ADAM12: variants seen among roughly 807,000 people sequenced by gnomAD.
ADAM12 encodes ADAM metallopeptidase domain 12, also known as disintegrin and metalloproteinase domain-containing protein 12.
In ADAM12, 70 loss-of-function variants were observed where a neutral mutation model predicts 106.4. The observed-to-expected ratio is 0.66, with a 90% CI of 0.54 to 0.80. ADAM12 has a LOEUF of 0.80. ADAM12 is among the 30% of genes least tolerant of loss of function. The pLI is 0.00. For missense variants in ADAM12, 1,010 were observed against 1,171.9 expected, an observed-to-expected ratio of 0.86 and a Z score of 2.02; for synonymous variants, 420 against 433.5, an observed-to-expected ratio of 0.97 and a Z score of 0.39.
At chr10:126,248,035 T>C (rs1958663302) in intron 3 of ADAM12, among the ~76,000 whole-genome samples, 4 of 152,288 alleles carry the variant, frequency 2.6e-5, no homozygotes, top group African/African-American at 9.6e-5. Flanking sequence ...GTATCAGATG[T>C]GGGTTCAAGT....
intron 2 of ADAM12, among the ~76,000 whole-genome samples, chr10:126,322,017 T>G (rs1854119837): frequency 6.6e-6 from 1 of 151,896 alleles, no homozygotes. Flanking sequence ...GGTTATAAAC[T>G]ATGGCCCTCG....
chr10:126,115,898 A>G (rs1249928641), intron 6 of ADAM12, among the ~76,000 whole-genome samples: 1 of 152,194 alleles, frequency 6.6e-6, no homozygotes, highest in East Asian at 1.9e-4. Context: ...TATTTTTCGC[A>G]CCATTTTCAT....
chr10:126,199,459 G>A (rs1182969012), intron 3 of ADAM12, among the ~76,000 whole-genome samples: 1 of 152,158 alleles, frequency 6.6e-6, no homozygotes, highest in Non-Finnish European at 1.5e-5. Context: ...ATATTGTCAA[G>A]TTCGCAGCCC....
At chr10:126,038,854 A>G (rs1350504802) in intron 19 of ADAM12, among the ~76,000 whole-genome samples, 1 of 152,116 alleles carries the variant, frequency 6.6e-6, no homozygotes, top group Non-Finnish European at 1.5e-5. Context: ...ACCCCCCAAA[A>G]AAGAACCAAG....
At chr10:126,381,493 A>AT (rs202161156) in intron 1 of ADAM12, among the ~76,000 whole-genome samples, 3 of 151,908 alleles carry the variant, frequency 2.0e-5, no homozygotes, top group Admixed American at 6.6e-5. Context: ...TAAAAATTAT[A>AT]TTTTTTAAAA....
At chr10:126,129,825 C>A (rs1462190511) in intron 5 of ADAM12, among the ~76,000 whole-genome samples, 2 of 152,192 alleles carry the variant, frequency 1.3e-5, no homozygotes, top group East Asian at 3.8e-4. Context: ...CATTCAAGAG[C>A]CATCTCCTCT....
At chr10:126,218,498 A>G (rs1958030354) in intron 3 of ADAM12, among the ~76,000 whole-genome samples, 1 of 152,188 alleles carries the variant, frequency 6.6e-6, no homozygotes, top group African/African-American at 2.4e-5. Flanking sequence ...AGACATACTG[A>G]GGGCATCTTG....
At chr10:126,037,850 C>T (rs1169985701) in intron 20 of ADAM12, among the ~76,000 whole-genome samples, 2 of 152,168 alleles carry the variant, frequency 1.3e-5, no homozygotes, top group Non-Finnish European at 2.9e-5. Context: ...AAGCAGCTCA[C>T]CTAAAGCCAG....
intron 4 of ADAM12, among the ~76,000 whole-genome samples, chr10:126,138,822 TC>T (rs765587937): frequency 7.2e-5 from 10 of 139,174 alleles, no homozygotes; most frequent in African/African-American, 2.5e-4. Context: ...CATATCTTTT[TC>T]TTTTTAAGAG....
intron 2 of ADAM12, among the ~76,000 whole-genome samples, chr10:126,288,674 C>T (rs1388321980): frequency 6.6e-6 from 1 of 150,424 alleles, no homozygotes; most frequent in Non-Finnish European, 1.5e-5. Flanking sequence ...AGGACAGGAT[C>T]ATGCGGTGAC....
chr10:126,151,950 C>T (rs190445871), intron 4 of ADAM12, among the ~76,000 whole-genome samples: 23 of 149,636 alleles, frequency 1.5e-4, no homozygotes, highest in Non-Finnish European at 2.7e-4. Flanking sequence ...AATGTCTTGT[C>T]CATTTTATGA....
At chr10:126,046,409 T>G (rs1050826839) in intron 16 of ADAM12, among the ~76,000 whole-genome samples, 2 of 152,234 alleles carry the variant, frequency 1.3e-5, no homozygotes, top group African/African-American at 4.8e-5. Flanking sequence ...AATATAACTT[T>G]CAGTTGATCC....
At chr10:126,341,795 A>C (rs1470444850) in intron 1 of ADAM12, among the ~76,000 whole-genome samples, 1 of 152,216 alleles carries the variant, frequency 6.6e-6, no homozygotes, top group Non-Finnish European at 1.5e-5. Flanking sequence ...TACACACCAG[A>C]AGGCAGTGGG....
chr10:126,187,788 G>A (rs989554303), intron 3 of ADAM12, among the ~76,000 whole-genome samples: 4 of 152,212 alleles, frequency 2.6e-5, no homozygotes, highest in African/African-American at 7.2e-5. Flanking sequence ...ATTACTTGAT[G>A]AGCTAAAATG....
intron 3 of ADAM12, among the ~76,000 whole-genome samples, chr10:126,215,463 C>G (rs949866661): frequency 6.6e-6 from 1 of 152,190 alleles, no homozygotes; most frequent in African/African-American, 2.4e-5. Flanking sequence ...AGCTCAGGGC[C>G]CCCCCGAAAT....
At chr10:126,082,361 CT>C (rs1955236791) in intron 11 of ADAM12, among the ~76,000 whole-genome samples, 1 of 50,030 alleles carries the variant, frequency 2.0e-5, no homozygotes, top group Non-Finnish European at 3.8e-5. Context: ...AATCTAATGA[CT>C]GTTTTTTTTT....
At chr10:126,074,687 C>T (rs1590373689) in intron 11 of ADAM12, among the ~76,000 whole-genome samples, 1 of 152,338 alleles carries the variant, frequency 6.6e-6, no homozygotes, top group East Asian at 1.9e-4. Flanking sequence ...TAGAATCATG[C>T]ATACATAAAT....
intron 14 of ADAM12, among the ~76,000 whole-genome samples, chr10:126,051,731 G>A (rs149253712): frequency 3.7e-4 from 56 of 152,312 alleles, no homozygotes; most frequent in African/African-American, 1.2e-3. Context: ...TATTTATTCA[G>A]CACCTACTAT....
In ADAM12 at chr10:126,169,082, T is replaced by C. The variant is rs377578414; in HGVS notation, c.261-13777A>G. Among the ~76,000 whole-genome samples the C allele has an allele frequency of 5.9e-5, 9 of 151,978 alleles. No individual in the cohort carries two copies. In the East Asian group the frequency reaches 1.7e-3, roughly 29 times the overall value. On this transcript the variant is annotated intron_variant, in intron 3 of 22. Coordinates refer to ENST00000448723, the MANE Select transcript of ADAM12 (RefSeq NM_001288973.2). ...AAAAACCCAAAAAGCAAAAAACACA[T>C]TCCTTAGTGTGGACCAGGCCCACCC...
Sources: gnomAD v4.1 joint callset for allele counts (sites outside exome capture counted in the v4.1 genomes callset) on GRCh38, gnomAD v4.1.1 for gene constraint, MANE v1.5 for transcripts, NCBI Gene and HGNC (gene_info 2026-07-23, HGNC 2026-07-21) for gene names.